The following SCN1A variants were observed in gnomAD, a reference collection of about 807,000 sequenced individuals.
SCN1A encodes the protein sodium channel protein type 1 subunit alpha.
A neutral mutation model predicts 193.7 loss-of-function variants in SCN1A; 13 were observed. The ratio of observed to expected loss-of-function variants is 0.07; its 90% CI spans 0.04 to 0.11. The LOEUF is 0.11. SCN1A is among the 10% of genes least tolerant of loss of function. The pLI is 1.00. For synonymous variants in SCN1A, 781 were observed against 843.6 expected (o/e 0.93, Z 1.29); for missense variants, 1,432 against 2,451.1 (o/e 0.58, Z 8.78).
At chr2:166,021,809 G>A (rs1694107494) in intron 19 of SCN1A, among the ~76,000 whole-genome samples, 1 of 152,150 alleles carries the variant, frequency 6.6e-6, no homozygotes, top group African/African-American at 2.4e-5. Flanking sequence ...TAATATGACA[G>A]AAGAGGTGTT....
chr2:166,001,763 T>A (rs1223269233), intron 24 of SCN1A, among the ~76,000 whole-genome samples: 1 of 151,388 alleles, frequency 6.6e-6, no homozygotes, highest in Non-Finnish European at 1.5e-5. Flanking sequence ...AGTGAAAACA[T>A]TAATATTTAG....
In SCN1A at chr2:166,147,086, C is replaced by T. The variant is rs953220809; in HGVS notation, c.-50+1961G>A. 6.7e-4 allele frequency among the ~76,000 whole-genome samples: 34 copies of T among 50,814 alleles called. No homozygotes were observed. In the African/African-American group the frequency reaches 7.1e-3, roughly 11 times the overall value. 33.3% of individuals were successfully genotyped at this position (50,814 alleles called of 152,430 possible). On this transcript the variant is annotated intron_variant, in intron 1 of 26. Coordinates refer to the SCN1A transcript ENST00000635750. ...CAAACACAGATTGCCAGGACCCATCCCTAGAGCTTCTGACTCAGTAAGTCT... is the reference window on the plus strand; with the variant it reads ...CAAACACAGATTGCCAGGACCCATCTCTAGAGCTTCTGACTCAGTAAGTCT...
At chr2:166,113,980 TTCTC>T (rs1204705912) in intron 2 of SCN1A, among the ~76,000 whole-genome samples, 1 of 151,978 alleles carries the variant, frequency 6.6e-6, no homozygotes, top group African/African-American at 2.4e-5. Context: ...ATATTAATAA[TTCTC>T]TTTCTTAGAT....
At chr2:166,129,244 C>A (rs765334109), upstream of SCN1A, among the ~76,000 whole-genome samples, 1 of 152,110 alleles carries the variant, frequency 6.6e-6, no homozygotes, top group Non-Finnish European at 1.5e-5. Context: ...AAAACTAAGG[C>A]TGTTGGTCCC....
rs963450156 is a variant in SCN1A, at chr2:165,991,153, A to G, written c.*92T>C. Reference sequence around the variant, plus strand: ...TTTGTGTAAAAACAGTCAGTTTGGCATTGACCTCCTAAAGGAGTCCTGTTG... The same window carrying G: ...TTTGTGTAAAAACAGTCAGTTTGGCGTTGACCTCCTAAAGGAGTCCTGTTG... On this transcript the variant is annotated 3_prime_UTR_variant, in exon 29 of 29. Coordinates refer to ENST00000674923, the MANE Select transcript of SCN1A (RefSeq NM_001165963.4). The G allele has an allele frequency of 2.6e-6, 3 of 1,173,666 alleles. No individual in the cohort carries two copies. In the African/African-American group the frequency reaches 4.6e-5, roughly 18 times the overall value. 72.7% of individuals were successfully genotyped at this position (1,173,666 alleles called of 1,614,324 possible). A position where few individuals can be genotyped will look rare whatever the true frequency, so the allele number is the denominator to read the frequency against.
At chr2:166,086,861 C>A (rs1686181479) in intron 2 of SCN1A, among the ~76,000 whole-genome samples, 1 of 152,082 alleles carries the variant, frequency 6.6e-6, no homozygotes, top group Non-Finnish European at 1.5e-5. Context: ...TGTTTGAGAG[C>A]TCAGCAGCTG....
chr2:166,042,054 C>T (rs1288653878), intron 15 of SCN1A, among the ~76,000 whole-genome samples: 3 of 152,150 alleles, frequency 2.0e-5, no homozygotes, highest in Admixed American at 6.5e-5. Context: ...CTTTGTTCTG[C>T]ATTTTCAAAG....
chr2:165,994,233 C>T lies in SCN1A; in HGVS notation c.4765G>A (p.Val1589Ile). The change falls in exon 28 of 29, where the codon GTA becomes ATA. Residue 1589 changes from valine to isoleucine, a missense_variant. This residue lies in a region of SCN1A where 85 missense variants were observed against 213.2 expected (regional missense o/e 0.40). Coordinates refer to ENST00000674923, the MANE Select transcript of SCN1A (RefSeq NM_001165963.4). ...TGGCGTAGAGAGATGAGTTTCAGTA[C>T]ACACTCTCCAGTAAATAGCACAATG... ...VFIVLFTGEC[V>I]LKLISLRHYY... The T allele has an allele frequency of 6.2e-7, 1 of 1,612,878 alleles. No individual in the cohort carries two copies. The highest frequency in any genetic ancestry group is 8.5e-7 in the Non-Finnish European group (1 of 1,179,290).
At position 166,073,365 on chromosome 2, in the gene SCN1A, T is replaced by C. The variant is rs1004366186; in HGVS notation, c.257A>G (p.Asn86Ser). 9.3e-6 allele frequency: 15 copies of C among 1,613,824 alleles called. No individual in the cohort carries two copies. Among genetic ancestry groups the C allele is most frequent in the South Asian group, 2.2e-5 (2 of 91,058 alleles). Reference protein sequence around the residue: ...PLEDLDPYYINKKTFIVLNKG... With the variant: ...PLEDLDPYYISKKTFIVLNKG... The stretch of plus-strand genomic sequence containing the variant: ...CTGATAAAAAACACTCACTTTCTTA[T>C]TGATATAGTAGGGGTCCAGGTCCTC... Residue 86 changes from asparagine to serine, a missense_variant, in exon 4 of 29, where the codon AAT becomes AGT. Asn to Ser is a conservative substitution (Grantham distance 46, BLOSUM62 1). This residue lies in a region of SCN1A where 123 missense variants were observed against 282.8 expected (regional missense o/e 0.43). Transcript: ENST00000674923.
intron 2 of SCN1A, among the ~76,000 whole-genome samples, chr2:166,125,886 G>T (rs527580317): frequency 1.3e-5 from 2 of 152,174 alleles, no homozygotes; most frequent in African/African-American, 4.8e-5. Context: ...GCAAGAGGGG[G>T]CATGTAAACC....
At chr2:166,062,262 A>T (rs1683389479) in intron 4 of SCN1A, among the ~76,000 whole-genome samples, 1 of 152,184 alleles carries the variant, frequency 6.6e-6, no homozygotes, top group South Asian at 2.1e-4. Context: ...ACAGCCTTCC[A>T]ATAAAGCAAC....
At chr2:166,103,280 G>C (rs1344293120) in intron 2 of SCN1A, among the ~76,000 whole-genome samples, 2 of 151,942 alleles carry the variant, frequency 1.3e-5, no homozygotes, top group African/African-American at 4.8e-5. Flanking sequence ...GCAAAACCTG[G>C]TCTTTACTGA....
chr2:166,002,395 T>C, intron 24 of SCN1A, 77 bp downstream of exon 24: 1 of 1,388,236 alleles, frequency 7.2e-7, no homozygotes, highest in Non-Finnish European at 9.9e-7. Context: ...TCTTAGGAAC[T>C]AAATAATAGA....
At chr2:166,067,872 T>C (rs1214430013) in intron 4 of SCN1A, among the ~76,000 whole-genome samples, 1 of 152,102 alleles carries the variant, frequency 6.6e-6, no homozygotes, top group African/African-American at 2.4e-5. Flanking sequence ...AAGGAGACCA[T>C]CACATACCAC....
chr2:166,087,046 G>A (rs1278966091), intron 2 of SCN1A, among the ~76,000 whole-genome samples: 2 of 152,030 alleles, frequency 1.3e-5, no homozygotes, highest in Non-Finnish European at 2.9e-5. Flanking sequence ...TCCTAATGTT[G>A]GAGGTGGGGC....
downstream of SCN1A, chr2:165,985,625 T>C (rs1688564891): frequency 6.6e-6 from 1 of 152,134 alleles, no homozygotes. Context: ...TCAATTGATA[T>C]TGCAAATTAT....
chr2:166,127,450 AG>A (rs760847977), intron 1 of SCN1A, among the ~76,000 whole-genome samples: 5 of 152,186 alleles, frequency 3.3e-5, no homozygotes, highest in Non-Finnish European at 7.3e-5. Context: ...CAGGATCAAA[AG>A]GGACCTTGAA....
intron 2 of SCN1A, among the ~76,000 whole-genome samples, chr2:166,118,298 G>GCTTCTTCTTTTTTTT (rs371947861): frequency 4.5e-5 from 2 of 44,696 alleles, no homozygotes; most frequent in African/African-American, 1.5e-4. Context: ...TTTCTATTTA[G>GCTTCTTCTTTTTTTT]TTTCTTTTTT....
At position 165,989,086 on chromosome 2, in the gene SCN1A, T is replaced by TC. The variant is rs756025632; in HGVS notation, c.*2158dup. 6.6e-6 allele frequency: 1 copy of TC among 151,104 alleles called. No individual in the cohort carries two copies. Among genetic ancestry groups the TC allele is most frequent in the Admixed American group, 6.7e-5 (1 of 15,016 alleles). 9.4% of individuals were successfully genotyped at this position (151,104 alleles called of 1,614,324 possible). A position where few individuals can be genotyped will look rare whatever the true frequency, so the allele number is the denominator to read the frequency against. ...TGTGTGTGCGCGCGCGCTCCCCTTC[T>TC]CCCCCAATTTGTAATGTAAAAAATC... is the stretch of plus-strand genomic sequence containing the variant. On this transcript the variant is annotated 3_prime_UTR_variant, in exon 29 of 29. Transcript: ENST00000674923.
Sources: gnomAD v4.1 joint callset for allele counts (sites outside exome capture counted in the v4.1 genomes callset) on GRCh38, gnomAD v4.1.1 for gene constraint, gnomAD v4.1.1 regional missense constraint, MANE v1.5 for transcripts, NCBI Gene and HGNC (gene_info 2026-07-23, HGNC 2026-07-21) for gene names.